The following DCAF1 variants were observed in gnomAD, a reference collection of about 807,000 sequenced individuals.
DCAF1 encodes DDB1- and CUL4-associated factor 1.
DCAF1 carries 15 observed loss-of-function variants against 128.0 expected under a neutral mutation model. The ratio of observed to expected loss-of-function variants is 0.12; its 90% CI spans 0.08 to 0.18. The LOEUF is 0.18. Among genes scored for constraint, DCAF1 ranks in the 10% least tolerant of loss-of-function variants. The probability of loss-of-function intolerance (pLI) is 1.00; values close to 1 mark genes in which losing one functional copy is unlikely to be tolerated. For synonymous variants in DCAF1, 610 were observed against 603.0 expected (o/e 1.01, Z -0.17); for missense variants, 988 against 1,649.5 (o/e 0.60, Z 6.95).
intron 13 of DCAF1, among the ~76,000 whole-genome samples, chr3:51,423,950 T>C (rs1389107037): frequency 1.3e-5 from 2 of 151,886 alleles, no homozygotes; most frequent in Non-Finnish European, 2.9e-5. Flanking sequence ...TGTTAGAGTA[T>C]AGTACACTCA....
intron 9 of DCAF1, chr3:51,437,529 CA>C (rs1443619643): frequency 8.6e-6 from 3 of 346,836 alleles, no homozygotes; most frequent in Admixed American, 3.2e-5. Flanking sequence ...AAATGTATAA[CA>C]GGGGGCTGGG....
At chr3:51,428,942 T>C (rs960905915) in intron 12 of DCAF1, among the ~76,000 whole-genome samples, 7 of 152,104 alleles carry the variant, frequency 4.6e-5, no homozygotes, top group Non-Finnish European at 1.0e-4. Flanking sequence ...AATGTTGCAA[T>C]GAGGTGTGGT....
intron 18 of DCAF1, 39 bp downstream of exon 18, chr3:51,416,748 G>A: frequency 1.3e-6 from 2 of 1,579,612 alleles, no homozygotes; most frequent in Non-Finnish European, 1.7e-6. Flanking sequence ...GAACAAATGG[G>A]TATGATCAGC....
intron 2 of DCAF1, among the ~76,000 whole-genome samples, chr3:51,484,395 C>T (rs1706662015): frequency 6.6e-6 from 1 of 151,830 alleles, no homozygotes; most frequent in Non-Finnish European, 1.5e-5. Flanking sequence ...ATCACTTGAA[C>T]CTGGGAGGTA....
Position 51,483,806 on chromosome 3 carries a change from A to C in DCAF1, c.23T>G (p.Val8Gly). MTTVVVH[V>G]DSKAELTTLL... The stretch of plus-strand genomic sequence containing the variant: ...GGTAGTGAGCTCAGCTTTGGAGTCC[A>C]CATGTACCACTACTGTAGTCATGGC... Residue 8 changes from valine to glycine, a missense_variant, in exon 3 of 25, where the codon GTG becomes GGG. Transcript: ENST00000684031. The C allele has an allele frequency of 6.2e-7, 1 of 1,613,884 alleles. No individual in the cohort carries two copies. The highest frequency in any genetic ancestry group is 8.5e-7 in the Non-Finnish European group (1 of 1,179,836).
chr3:51,426,406 C>T (rs559477326), intron 13 of DCAF1, among the ~76,000 whole-genome samples: 170 of 152,228 alleles, frequency 1.1e-3, no homozygotes, highest in Non-Finnish European at 1.8e-3. Context: ...GATGGGGTTT[C>T]ACCACATTGC....
intron 6 of DCAF1, among the ~76,000 whole-genome samples, chr3:51,462,527 C>T (rs1703711952): frequency 6.6e-6 from 1 of 152,056 alleles, no homozygotes; most frequent in Non-Finnish European, 1.5e-5. Flanking sequence ...AGGTGGATCA[C>T]CTGAGGTCAG....
chr3:51,479,452 G>A (rs1211943301), intron 3 of DCAF1, among the ~76,000 whole-genome samples: 2 of 151,694 alleles, frequency 1.3e-5, no homozygotes, highest in South Asian at 2.1e-4. Context: ...GCAGTGACCC[G>A]AGATCACGCC....
upstream of DCAF1, among the ~76,000 whole-genome samples, chr3:51,501,204 C>T (rs144833033): frequency 1.2e-4 from 18 of 152,242 alleles, no homozygotes; most frequent in East Asian, 3.3e-3. Context: ...AGTGAAAAAT[C>T]AAAAGCTCAT....
chr3:51,459,161 T>C (rs1187632254), intron 6 of DCAF1, among the ~76,000 whole-genome samples: 1 of 151,948 alleles, frequency 6.6e-6, no homozygotes, highest in Non-Finnish European at 1.5e-5. Flanking sequence ...GATAGACCGC[T>C]AGCAAGAATA....
At chr3:51,482,823 T>A (rs1422648694) in intron 3 of DCAF1, among the ~76,000 whole-genome samples, 1 of 150,792 alleles carries the variant, frequency 6.6e-6, no homozygotes, top group Non-Finnish European at 1.5e-5. Flanking sequence ...GAGTCTAATT[T>A]TTTTTATTTT....
At chr3:51,412,598 C>T in intron 22 of DCAF1, 118 bp from the exon 23 acceptor site, 6 of 1,489,504 alleles carry the variant, frequency 4.0e-6, no homozygotes, top group Non-Finnish European at 4.5e-6. Context: ...CTTCTGATAC[C>T]CGAAATTCTT....
At chr3:51,468,043 T>A (rs1237813757) in intron 4 of DCAF1, among the ~76,000 whole-genome samples, 1 of 152,174 alleles carries the variant, frequency 6.6e-6, no homozygotes, top group Admixed American at 6.6e-5. Flanking sequence ...TCACTAACCC[T>A]AAAGATACAA....
At chr3:51,444,427 T>C (rs1701647673) in intron 6 of DCAF1, among the ~76,000 whole-genome samples, 1 of 151,564 alleles carries the variant, frequency 6.6e-6, no homozygotes, top group Non-Finnish European at 1.5e-5. Flanking sequence ...CTTGGCTCAC[T>C]GCAACCTCCG....
At chr3:51,489,004 G>A (rs984165861) in intron 2 of DCAF1, among the ~76,000 whole-genome samples, 5 of 152,140 alleles carry the variant, frequency 3.3e-5, no homozygotes, top group East Asian at 3.8e-4. Flanking sequence ...AACTAGGAAC[G>A]GAAGAGACCT....
intron 6 of DCAF1, among the ~76,000 whole-genome samples, chr3:51,445,276 G>T (rs1175936377): frequency 1.3e-5 from 2 of 152,066 alleles, no homozygotes; most frequent in African/African-American, 4.8e-5. Context: ...GAATTTTCTT[G>T]TTAAACTTTG....
chr3:51,472,379 GT>G (rs199947806), intron 3 of DCAF1, among the ~76,000 whole-genome samples: 6 of 151,748 alleles, frequency 4.0e-5, no homozygotes, highest in African/African-American at 2.4e-5. Flanking sequence ...TCCAGAATTT[GT>G]TTTTTTTCTT....
chr3:51,470,017 T>C (rs183333193), intron 4 of DCAF1, among the ~76,000 whole-genome samples: 2 of 151,592 alleles, frequency 1.3e-5, no homozygotes, highest in East Asian at 1.9e-4. Flanking sequence ...CAAGATGCCA[T>C]CTCAAAAAAA....
At chr3:51,400,196 GAAC>G (rs1305502452) in intron 24 of DCAF1, among the ~76,000 whole-genome samples, 1 of 152,210 alleles carries the variant, frequency 6.6e-6, no homozygotes, top group Non-Finnish European at 1.5e-5. Flanking sequence ...AGATGGCAAA[GAAC>G]TATTATCTAA....
Sources: allele counts gnomAD v4.1 joint callset (sites outside exome capture counted in the v4.1 genomes callset), GRCh38; gene constraint gnomAD v4.1.1; transcripts MANE v1.5; gene names NCBI Gene and HGNC (gene_info 2026-07-23, HGNC 2026-07-21).